KLF12: variants seen among roughly 807,000 people sequenced by gnomAD.
KLF12 encodes Krueppel-like factor 12.
Under a neutral mutation model 37.8 loss-of-function variants are expected in KLF12, and 9 were observed. The ratio of observed to expected loss-of-function variants is 0.24; its 90% CI spans 0.14 to 0.42. KLF12 has a LOEUF of 0.42. Ranked by LOEUF, KLF12 falls within the 10% of genes least tolerant of loss-of-function variation. The probability of loss-of-function intolerance (pLI) is 1.00; values close to 1 mark genes in which losing one functional copy is unlikely to be tolerated. For missense variants in KLF12, 411 were observed against 516.0 expected (o/e 0.80, Z 1.97); for synonymous variants, 208 against 202.1 (o/e 1.03, Z -0.25).
Position 73,722,735 on chromosome 13 carries a change from C to A in KLF12, c.870-7210G>T, listed in dbSNP as rs967739883. 4.3e-4 allele frequency among the ~76,000 whole-genome samples: 65 copies of A among 152,150 alleles called. 1 individual carries two copies. Among genetic ancestry groups the A allele is most frequent in the Admixed American group, 4.3e-3 (65 of 15,268 alleles). On this transcript the variant is annotated intron_variant, in intron 6 of 7. Coordinates refer to ENST00000377669, the MANE Select transcript of KLF12 (RefSeq NM_007249.5). The stretch of plus-strand genomic sequence containing the variant: ...CAAGAGAAATACGTTTGCTAAAATG[C>A]GTCAAAAAGCTCAATCTTAACATCT...
At chr13:73,849,474 A>G (rs1331878391) in intron 3 of KLF12, among the ~76,000 whole-genome samples, 1 of 151,926 alleles carries the variant, frequency 6.6e-6, no homozygotes, top group Non-Finnish European at 1.5e-5. Flanking sequence ...AATGGCCACA[A>G]GGGGGAACGA....
chr13:74,188,464 T>C, the KLF12 span, among the ~76,000 whole-genome samples: 2 of 152,178 alleles, frequency 1.3e-5, no homozygotes, highest in South Asian at 2.1e-4. Flanking sequence ...CCCTTATCTT[T>C]ACTCAGTTGA....
At chr13:74,048,844 A>C (rs1004297485) in intron 1 of KLF12, among the ~76,000 whole-genome samples, 2 of 152,226 alleles carry the variant, frequency 1.3e-5, no homozygotes, top group African/African-American at 4.8e-5. Context: ...TAAGTCAATA[A>C]GCACAAGATT....
chr13:73,754,912 T>G (rs568327655), intron 6 of KLF12, among the ~76,000 whole-genome samples: 1 of 152,236 alleles, frequency 6.6e-6, no homozygotes, highest in Non-Finnish European at 1.5e-5. Flanking sequence ...TGGCAGCAAC[T>G]TTCCTCTGTT....
chr13:73,839,414 C>G (rs1884626406), intron 4 of KLF12, among the ~76,000 whole-genome samples: 1 of 151,868 alleles, frequency 6.6e-6, no homozygotes, highest in Non-Finnish European at 1.5e-5. Context: ...ACATTACCTT[C>G]TATGTATCTT....
chr13:73,901,362 C>A (rs1445619816), intron 3 of KLF12, among the ~76,000 whole-genome samples: 1 of 152,182 alleles, frequency 6.6e-6, no homozygotes, highest in Non-Finnish European at 1.5e-5. Flanking sequence ...TAAACAGCAT[C>A]AACTTTAGAA....
At chr13:73,752,980 C>T (rs1017137608) in intron 6 of KLF12, among the ~76,000 whole-genome samples, 3 of 151,828 alleles carry the variant, frequency 2.0e-5, no homozygotes, top group Non-Finnish European at 4.4e-5. Flanking sequence ...TCTCTTACTC[C>T]TGACCTTGTG....
At chr13:73,965,714 T>G (rs1566485650) in intron 2 of KLF12, among the ~76,000 whole-genome samples, 1 of 152,194 alleles carries the variant, frequency 6.6e-6, no homozygotes, top group Non-Finnish European at 1.5e-5. Context: ...ATCTTTCCCT[T>G]TCCAGAAGCA....
At chr13:74,052,473 C>T (rs182829447) in intron 1 of KLF12, among the ~76,000 whole-genome samples, 45 of 152,102 alleles carry the variant, frequency 3.0e-4, no homozygotes, top group South Asian at 4.2e-4. Flanking sequence ...TTTTCGGACA[C>T]TACAGAAAGG....
the KLF12 span, among the ~76,000 whole-genome samples, chr13:74,193,518 T>C: frequency 6.6e-6 from 1 of 152,336 alleles, no homozygotes; most frequent in East Asian, 1.9e-4. Context: ...ATTCCTATGC[T>C]ATGCAAACTG....
Position 74,027,044 on chromosome 13 carries a change from G to A in KLF12, c.-31-31991C>T, listed in dbSNP as rs369659210. ...CTGGAGCAACAGCAGAGCAGAAAGAGCCAGCAAGTTAGACAGTGTTTCTCT... is the reference window on the plus strand; with the variant it reads ...CTGGAGCAACAGCAGAGCAGAAAGAACCAGCAAGTTAGACAGTGTTTCTCT... On this transcript the variant is annotated intron_variant, in intron 1 of 7. Transcript: ENST00000377669. Among the ~76,000 whole-genome samples the A allele has an allele frequency of 7.2e-5, 11 of 152,284 alleles. No homozygotes were observed. The East Asian group carries it at 2.1e-3, about 29-fold the overall frequency.
chr13:74,244,621 A>G, the KLF12 span, among the ~76,000 whole-genome samples: 1 of 152,206 alleles, frequency 6.6e-6, no homozygotes, highest in Non-Finnish European at 1.5e-5. Flanking sequence ...AAGGGGTAAG[A>G]AGAATATCTG....
chr13:73,759,597 C>A (rs908187891), intron 6 of KLF12, among the ~76,000 whole-genome samples: 2 of 152,178 alleles, frequency 1.3e-5, no homozygotes, highest in Admixed American at 6.5e-5. Context: ...ATTTCTCTTG[C>A]TCTCTGCACA....
At chr13:73,745,827 G>A (rs966868469) in intron 6 of KLF12, among the ~76,000 whole-genome samples, 33 of 152,194 alleles carry the variant, frequency 2.2e-4, no homozygotes, top group Non-Finnish European at 4.4e-4. Context: ...AAGCATGCAA[G>A]TCAAGGGTAT....
At position 73,828,497 on chromosome 13, in the gene KLF12, CCTAGATTTAT is replaced by C. The variant is rs201109061; in HGVS notation, c.671-15220_671-15211del. On this transcript the variant is annotated intron_variant, in intron 4 of 7. Coordinates refer to ENST00000377669, the MANE Select transcript of KLF12 (RefSeq NM_007249.5). ...GCCAGAACAAGAACCTGGGCATTAT[CCTAGATTTAT>C]CTTTTCCTTTATCCTTGACATCCAA... Among the ~76,000 whole-genome samples the C allele has an allele frequency of 7.9e-3, 1,209 of 152,228 alleles. 14 individuals are homozygous for C. Among genetic ancestry groups the C allele is most frequent in the African/African-American group, 0.027 (1,109 of 41,534 alleles).
intron 4 of KLF12, among the ~76,000 whole-genome samples, chr13:73,823,339 T>C (rs1323632087): frequency 1.3e-5 from 2 of 151,844 alleles, no homozygotes; most frequent in African/African-American, 2.4e-5. Flanking sequence ...CTATGCTATA[T>C]ACAGCTAGAT....
At chr13:74,293,737 T>C in the KLF12 span, among the ~76,000 whole-genome samples, 18 of 152,204 alleles carry the variant, frequency 1.2e-4, no homozygotes, top group African/African-American at 4.3e-4. Context: ...ATTTTGGCAG[T>C]CTTTTATAAA....
At chr13:74,010,015 T>C (rs1892509980) in intron 1 of KLF12, among the ~76,000 whole-genome samples, 1 of 150,384 alleles carries the variant, frequency 6.6e-6, no homozygotes, top group African/African-American at 2.5e-5. Flanking sequence ...ACTGGTGAGA[T>C]CTCGGCTCAC....
At chr13:73,752,727 TATA>T (rs1185086081) in intron 6 of KLF12, among the ~76,000 whole-genome samples, 6,825 of 81,456 alleles carry the variant, frequency 0.084, 599 homozygotes, top group African/African-American at 0.2. Flanking sequence ...CTTCCACATA[TATA>T]TTTTTTTTTT....
Sources: gnomAD v4.1 joint callset for allele counts (sites outside exome capture counted in the v4.1 genomes callset) on GRCh38, gnomAD v4.1.1 for gene constraint, MANE v1.5 for transcripts, NCBI Gene and HGNC (gene_info 2026-07-23, HGNC 2026-07-21) for gene names.